MPPED2: variants seen among roughly 807,000 people sequenced by gnomAD.
MPPED2 encodes metallophosphoesterase domain containing 2, also known as metallophosphoesterase MPPED2.
A neutral mutation model predicts 33.0 loss-of-function variants in MPPED2; 5 were observed. The ratio of observed to expected loss-of-function variants is 0.15; its 90% CI spans 0.08 to 0.32. MPPED2 has a LOEUF of 0.32. Among genes scored for constraint, MPPED2 ranks in the 10% least tolerant of loss-of-function variants. MPPED2 has a pLI of 1.00. For synonymous variants in MPPED2, 136 were observed against 141.9 expected (o/e 0.96, Z 0.29); for missense variants, 275 against 372.1 (o/e 0.74, Z 2.15).
chr11:30,512,169 C>T (rs1044313160), intron 3 of MPPED2, among the ~76,000 whole-genome samples: 2 of 152,116 alleles, frequency 1.3e-5, no homozygotes, highest in Non-Finnish European at 2.9e-5. Context: ...TCTAGAAGTC[C>T]TGAGAGGGAA....
rs147403143 is a variant in MPPED2 at position 30,448,234 on chromosome 11, C to T, written c.537-30601G>A. On this transcript the variant is annotated intron_variant, in intron 4 of 6. Coordinates refer to ENST00000358117, the MANE Select transcript of MPPED2 (RefSeq NM_001584.3). The stretch of plus-strand genomic sequence containing the variant: ...TTGATGTCACTCACATCAAACCCTA[C>T]GCATGTCATGCTTTCAACAGCAACA... Among the ~76,000 whole-genome samples, 15 of 152,342 alleles carry T rather than the reference C, an allele frequency of 9.8e-5. No homozygotes were observed. The East Asian group carries it at 1.9e-3, about 20-fold the overall frequency.
At chr11:30,412,458 C>T (rs1052287826) in intron 6 of MPPED2, among the ~76,000 whole-genome samples, 31 of 152,120 alleles carry the variant, frequency 2.0e-4, no homozygotes, top group Non-Finnish European at 3.7e-4. Flanking sequence ...GTATCAGGCT[C>T]TTATCGCATA....
intron 4 of MPPED2, among the ~76,000 whole-genome samples, chr11:30,475,727 T>C (rs1399795067): frequency 1.3e-5 from 2 of 152,166 alleles, no homozygotes; most frequent in Non-Finnish European, 2.9e-5. Context: ...TGTGTACAAG[T>C]CTTTATGTGG....
intron 3 of MPPED2, chr11:30,504,677 T>C: frequency 2.4e-6 from 2 of 845,680 alleles, no homozygotes; most frequent in Non-Finnish European, 3.4e-6. Flanking sequence ...CCTCAGTCTG[T>C]CCCCCGTCAG....
In MPPED2 at chr11:30,414,930, G is replaced by C. The variant is rs572448223; in HGVS notation, c.653-589C>G. 5.9e-5 allele frequency among the ~76,000 whole-genome samples: 9 copies of C among 152,184 alleles called. No homozygotes were observed. The South Asian group carries it at 1.9e-3, about 32-fold the overall frequency. On this transcript the variant is annotated intron_variant, in intron 5 of 6. Transcript: ENST00000358117. ...CTCACAGTGGCATCCAGCAAGCTGG[G>C]GCTAATTGACTACTTTTAAAGTAAA... is the stretch of plus-strand genomic sequence containing the variant.
intron 3 of MPPED2, among the ~76,000 whole-genome samples, chr11:30,504,069 C>A (rs1448003004): frequency 6.6e-6 from 1 of 152,184 alleles, no homozygotes; most frequent in African/African-American, 2.4e-5. Flanking sequence ...AACCTGCCTG[C>A]AATGGGGCAG....
intron 4 of MPPED2, among the ~76,000 whole-genome samples, chr11:30,472,118 C>T (rs979805069): frequency 6.6e-5 from 10 of 152,248 alleles, no homozygotes; most frequent in Non-Finnish European, 1.5e-4. Context: ...AATCCCAGCA[C>T]TTTGCGGGGG....
intron 3 of MPPED2, among the ~76,000 whole-genome samples, chr11:30,511,080 G>T (rs17310348): frequency 6.6e-6 from 1 of 152,030 alleles, no homozygotes; most frequent in African/African-American, 2.4e-5. Context: ...CCTAATTTTC[G>T]AATCCTGTAG....
At chr11:30,406,763 T>C (rs1305496612), downstream of MPPED2, among the ~76,000 whole-genome samples, 1 of 152,188 alleles carries the variant, frequency 6.6e-6, no homozygotes, top group Non-Finnish European at 1.5e-5. Context: ...GACCATCCCA[T>C]CCTGGAACCT....
At chr11:30,427,595 A>G (rs1280889311) in intron 4 of MPPED2, among the ~76,000 whole-genome samples, 1 of 152,194 alleles carries the variant, frequency 6.6e-6, no homozygotes, top group Admixed American at 6.5e-5. Context: ...TGTATTTGTC[A>G]GCTGAATTAA....
chr11:30,411,949 A>G (rs1016490673), intron 6 of MPPED2, among the ~76,000 whole-genome samples: 1 of 152,066 alleles, frequency 6.6e-6, no homozygotes, highest in Non-Finnish European at 1.5e-5. Flanking sequence ...AGGGAATAAA[A>G]TGAGTAATAT....
At chr11:30,508,635 G>C (rs1241674314) in intron 3 of MPPED2, among the ~76,000 whole-genome samples, 1 of 152,098 alleles carries the variant, frequency 6.6e-6, no homozygotes, top group Non-Finnish European at 1.5e-5. Context: ...ACTAAAGCTG[G>C]GTGATCTCAT....
chr11:30,440,768 T>C (rs1209792105), intron 4 of MPPED2, among the ~76,000 whole-genome samples: 1 of 152,182 alleles, frequency 6.6e-6, no homozygotes, highest in African/African-American at 2.4e-5. Context: ...GGCTGAGGCC[T>C]CTCCTTTGAC....
At chr11:30,384,893 C>A (rs181183576) in exon 7 of MPPED2, 2 of 152,218 alleles carry the variant, frequency 1.3e-5, no homozygotes, top group Non-Finnish European at 2.9e-5. Context: ...TCTCACCTTT[C>A]TTGATTGCTA....
intron 6 of MPPED2, among the ~76,000 whole-genome samples, chr11:30,398,749 A>T (rs1207231477): frequency 1.3e-5 from 2 of 152,048 alleles, no homozygotes; most frequent in Non-Finnish European, 2.9e-5. Flanking sequence ...TCAGAAAAAA[A>T]CTCTCTGGAA....
chr11:30,392,373 G>A (rs1947790289), intron 6 of MPPED2, among the ~76,000 whole-genome samples: 1 of 152,164 alleles, frequency 6.6e-6, no homozygotes. Context: ...AATACTAAAG[G>A]CTGTGAGTTT....
chr11:30,472,361 G>T (rs906246376), intron 4 of MPPED2, among the ~76,000 whole-genome samples: 1 of 150,758 alleles, frequency 6.6e-6, no homozygotes, highest in African/African-American at 2.4e-5. Context: ...GGCCTGTCTC[G>T]AATAATAATA....
chr11:30,474,863 A>G (rs11031108), intron 4 of MPPED2, among the ~76,000 whole-genome samples: 34,311 of 152,124 alleles, frequency 0.23, 4,899 homozygotes, highest in Non-Finnish European at 0.32. Context: ...CTTGCAGCCA[A>G]AAGTGTTTTA....
At chr11:30,563,557 TA>T (rs1956321064) in intron 2 of MPPED2, among the ~76,000 whole-genome samples, 1 of 152,044 alleles carries the variant, frequency 6.6e-6, no homozygotes, top group African/African-American at 2.4e-5. Flanking sequence ...CAGGAGATAG[TA>T]GGGGCAATTT....
Sources: allele counts gnomAD v4.1 joint callset (sites outside exome capture counted in the v4.1 genomes callset), GRCh38; gene constraint gnomAD v4.1.1; transcripts MANE v1.5; gene names NCBI Gene and HGNC (gene_info 2026-07-23, HGNC 2026-07-21).